PPP6R2: variants seen among roughly 807,000 people sequenced by gnomAD.
PPP6R2 encodes serine/threonine-protein phosphatase 6 regulatory subunit 2.
A neutral mutation model predicts 100.2 loss-of-function variants in PPP6R2; 62 were observed. That is an observed-to-expected ratio of 0.62 (90% confidence interval 0.50 to 0.76). The LOEUF is 0.76. Ranked by LOEUF, PPP6R2 falls within the 30% of genes least tolerant of loss-of-function variation. PPP6R2 has a pLI of 0.00. For missense variants in PPP6R2, 1,142 were observed against 1,276.3 expected, an observed-to-expected ratio of 0.89 and a Z score of 1.60; for synonymous variants, 525 against 514.7, an observed-to-expected ratio of 1.02 and a Z score of -0.27.
In PPP6R2 at chr22:50,441,436, C is replaced by T. The variant is rs1321871312; in HGVS notation, c.2579+410C>T. On this transcript the variant is annotated intron_variant, in intron 22 of 23. Transcript: ENST00000612753. ...CCTGGGATCTGGGTACCCTGGTGGT[C>T]GGGGAGGGGCACAGACTTTTAAGTC... Among the ~76,000 whole-genome samples, 11 of 152,252 alleles carry T rather than the reference C, an allele frequency of 7.2e-5. No homozygotes were observed. In the South Asian group the frequency reaches 1.4e-3, roughly 20 times the overall value.
rs372151361 is a variant in PPP6R2 at position 50,365,165 on chromosome 22, G to A, written c.-147-6855G>A. ...CGGCTCACCGCAACCTCCACCTCCC[G>A]GGTTCAAGCAATTCTCCTGCCTCAG... On this transcript the variant is annotated intron_variant, in intron 1 of 23. Transcript: ENST00000612753. Among the ~76,000 whole-genome samples, 26 of 149,566 alleles carry A rather than the reference G, an allele frequency of 1.7e-4. No individual in the cohort carries two copies. The East Asian group carries it at 2.2e-3, about 13-fold the overall frequency.
chr22:50,333,624 G>A, the PPP6R2 span, among the ~76,000 whole-genome samples: 5 of 152,158 alleles, frequency 3.3e-5, no homozygotes, highest in Non-Finnish European at 7.3e-5. Context: ...GAGCCACCGC[G>A]CCTGGCCCCA....
At position 50,432,260 on chromosome 22, in the gene PPP6R2, C is replaced by T. The variant is rs1271103978; in HGVS notation, c.1336-5C>T. ...CTCACGCTGTCCCCCTGCCCCGCCC[C>T]CCAGCTGTTCCAGAAGTGCTGCCTG... On this transcript the variant is annotated splice_region_variant and splice_polypyrimidine_tract_variant and intron_variant, in intron 11 of 23. Transcript: ENST00000612753. 2 of 1,549,796 alleles carry T rather than the reference C, an allele frequency of 1.3e-6. No homozygotes were observed. Among genetic ancestry groups the T allele is most frequent in the Admixed American group, 3.9e-5 (2 of 51,010 alleles).
intron 3 of PPP6R2, among the ~76,000 whole-genome samples, chr22:50,396,610 C>T (rs866890188): frequency 2.0e-5 from 3 of 152,190 alleles, no homozygotes; most frequent in Non-Finnish European, 4.4e-5. Flanking sequence ...CACTCATCCA[C>T]GTCTCATAGC....
intron 10 of PPP6R2, among the ~76,000 whole-genome samples, chr22:50,428,303 A>G (rs1569478743): frequency 6.6e-6 from 1 of 152,196 alleles, no homozygotes; most frequent in Non-Finnish European, 1.5e-5. Context: ...ATTCAGTGCT[A>G]GTGTATGGAA....
At chr22:50,351,437 A>C (rs1259884777) in intron 1 of PPP6R2, among the ~76,000 whole-genome samples, 4 of 150,228 alleles carry the variant, frequency 2.7e-5, no homozygotes, top group Admixed American at 1.3e-4. Context: ...CAGCCTGTGC[A>C]CTCAAGCTTT....
At position 50,425,768 on chromosome 22, in the gene PPP6R2, C is replaced by T. The variant is rs567649034; in HGVS notation, c.1125+2154C>T. Among the ~76,000 whole-genome samples, 7 of 152,036 alleles carry T rather than the reference C, an allele frequency of 4.6e-5. No homozygotes were observed. In the South Asian group the frequency reaches 8.3e-4, roughly 18 times the overall value. ...TGATGTGCGTGTGGAACAGTGTCTC[C>T]GTGTGACAAGTGATGTCGAGCATCT... On this transcript the variant is annotated intron_variant, in intron 10 of 23. Transcript: ENST00000612753.
chr22:50,387,842 C>T (rs1181826768), intron 2 of PPP6R2, among the ~76,000 whole-genome samples: 1 of 152,154 alleles, frequency 6.6e-6, no homozygotes, highest in African/African-American at 2.4e-5. Flanking sequence ...GAGAATGAAA[C>T]GTGCTGGGAA....
rs2047895504 is a variant in PPP6R2, at chr22:50,362,033, C to T, written c.-147-9987C>T. ...CAGTGATGGAAACTGGACTTTATGC[C>T]TGGACCTTTGTGGTCAGGGACTGCC... is the stretch of plus-strand genomic sequence containing the variant. On this transcript the variant is annotated intron_variant, in intron 1 of 23. Transcript: ENST00000612753. Among the ~76,000 whole-genome samples, 3 of 152,210 alleles carry T rather than the reference C, an allele frequency of 2.0e-5. No individual in the cohort carries two copies. In the South Asian group the frequency reaches 6.2e-4, roughly 31 times the overall value.
intron 3 of PPP6R2, among the ~76,000 whole-genome samples, chr22:50,394,425 TC>T (rs1336238837): frequency 2.2e-5 from 3 of 139,482 alleles, no homozygotes; most frequent in Non-Finnish European, 4.8e-5. Flanking sequence ...TGCGACCCTG[TC>T]TCTATTAAAT....
intron 2 of PPP6R2, among the ~76,000 whole-genome samples, chr22:50,388,472 G>T (rs1172190776): frequency 6.6e-6 from 1 of 152,012 alleles, no homozygotes; most frequent in East Asian, 1.9e-4. Flanking sequence ...AGGCTGATGT[G>T]GGAGGGTTGC....
intron 6 of PPP6R2, 96 bp from the exon 7 acceptor site, chr22:50,418,771 A>T: frequency 1.1e-6 from 1 of 884,620 alleles, no homozygotes; most frequent in East Asian, 2.4e-5. Flanking sequence ...CATCTGCCAG[A>T]GAAGCAGCAG....
intron 10 of PPP6R2, among the ~76,000 whole-genome samples, chr22:50,427,961 C>A (rs2062481029): frequency 6.6e-6 from 1 of 152,204 alleles, no homozygotes; most frequent in South Asian, 2.1e-4. Flanking sequence ...ACCTCGTGAT[C>A]CGCCCACCTT....
rs1467647991 is a variant in PPP6R2, at chr22:50,343,331, C to T, written c.-367C>T. 1 of 150,418 alleles carries T rather than the reference C, an allele frequency of 6.6e-6. No individual in the cohort carries two copies. Among genetic ancestry groups the T allele is most frequent in the African/African-American group, 2.4e-5 (1 of 41,158 alleles). The allele number at this position is 150,418 out of a possible 1,614,324, so 9.3% of individuals were successfully genotyped here. ...AGCGCGTGCCCGTGCGCCGCCGCCG[C>T]CATTTTGGAGCGATCGGAGTGCCGC... On this transcript the variant is annotated 5_prime_UTR_variant, in exon 1 of 24. Transcript: ENST00000612753.
chr22:50,352,617 C>T (rs942614435), intron 1 of PPP6R2, among the ~76,000 whole-genome samples: 2 of 151,250 alleles, frequency 1.3e-5, no homozygotes, highest in Non-Finnish European at 2.9e-5. Flanking sequence ...CCCAGCTACT[C>T]GGGAGGCTGA....
chr22:50,409,431 T>C (rs894755315), intron 4 of PPP6R2, among the ~76,000 whole-genome samples: 14 of 152,128 alleles, frequency 9.2e-5, no homozygotes, highest in African/African-American at 3.4e-4. Flanking sequence ...ATGATGATGA[T>C]GATGATGATT....
chr22:50,372,796 C>T (rs569979957), intron 2 of PPP6R2, among the ~76,000 whole-genome samples: 3 of 151,704 alleles, frequency 2.0e-5, no homozygotes, highest in Admixed American at 6.6e-5. Flanking sequence ...TCAAGCGATT[C>T]TTCTTCCTCA....
At chr22:50,437,483 C>CAACCAAA in intron 15 of PPP6R2, 23 bp from the exon 16 acceptor site, 1 of 734,984 alleles carries the variant, frequency 1.4e-6, no homozygotes, top group East Asian at 2.5e-5. Flanking sequence ...CTGTCCGTCC[C>CAACCAAA]TCCCTCCCTC....
chr22:50,358,624 G>C (rs1398652998), intron 1 of PPP6R2, among the ~76,000 whole-genome samples: 1 of 152,148 alleles, frequency 6.6e-6, no homozygotes, highest in Admixed American at 6.5e-5. Flanking sequence ...ATTGTCCCCA[G>C]AATTTCCTCA....
Sources: gnomAD v4.1 joint callset for allele counts (sites outside exome capture counted in the v4.1 genomes callset) on GRCh38, gnomAD v4.1.1 for gene constraint, MANE v1.5 for transcripts, NCBI Gene and HGNC (gene_info 2026-07-23, HGNC 2026-07-21) for gene names.